Variants in DNAJC27 observed in about 807,000 individuals in gnomAD.
DNAJC27 encodes the protein DnaJ heat shock protein family (Hsp40) member C27.
In DNAJC27, 25 loss-of-function variants were observed where a neutral mutation model predicts 31.4. The observed-to-expected ratio is 0.80, with a 90% CI of 0.58 to 1.11. DNAJC27 has a LOEUF of 1.11. Ranked by LOEUF, DNAJC27 falls within the 50% of genes most tolerant of loss-of-function variation. The pLI is 0.00. For missense variants in DNAJC27, 356 were observed against 347.3 expected, an observed-to-expected ratio of 1.02 and a Z score of -0.20; for synonymous variants, 106 against 112.7, an observed-to-expected ratio of 0.94 and a Z score of 0.37.
chr2:24,962,247 T>C (rs771350217), intron 3 of DNAJC27, among the ~76,000 whole-genome samples: 3 of 152,062 alleles, frequency 2.0e-5, no homozygotes, highest in African/African-American at 7.2e-5. Flanking sequence ...TTTGTTTGTT[T>C]GTTTGTTTTT....
chr2:24,951,596 G>A, intron 5 of DNAJC27, 42 bp from the exon 6 acceptor site: 1 of 1,549,174 alleles, frequency 6.5e-7, no homozygotes, highest in Non-Finnish European at 8.8e-7. Context: ...ATGATTTTGT[G>A]AAAATAGGAA....
chr2:24,960,323 A>G (rs901519393), intron 3 of DNAJC27, among the ~76,000 whole-genome samples: 1 of 152,208 alleles, frequency 6.6e-6, no homozygotes, highest in East Asian at 1.9e-4. Flanking sequence ...TGACTGTTCC[A>G]CCAAATGGCT....
chr2:24,950,373 G>A (rs1665739119), intron 6 of DNAJC27, among the ~76,000 whole-genome samples: 1 of 152,142 alleles, frequency 6.6e-6, no homozygotes, highest in South Asian at 2.1e-4. Flanking sequence ...GGTGAAGTAT[G>A]TGGGGGGAGT....
intron 5 of DNAJC27, among the ~76,000 whole-genome samples, chr2:24,954,392 A>G (rs1006489873): frequency 3.3e-5 from 5 of 152,188 alleles, no homozygotes; most frequent in Admixed American, 2.0e-4. Flanking sequence ...CACCACAGAA[A>G]GGCTGTGCCC....
chr2:24,962,210 T>A (rs1370788367), intron 3 of DNAJC27, among the ~76,000 whole-genome samples: 1 of 64,414 alleles, frequency 1.6e-5, no homozygotes, highest in Non-Finnish European at 3.8e-5. Flanking sequence ...ACAACATACT[T>A]TTTTTCTTTT....
chr2:24,951,860 G>C (rs1009677777), intron 5 of DNAJC27, among the ~76,000 whole-genome samples: 7 of 152,188 alleles, frequency 4.6e-5, no homozygotes, highest in African/African-American at 1.7e-4. Context: ...TGTAATCCCA[G>C]CATTTTGGGA....
At chr2:24,971,179 A>T (rs1248851504) in intron 1 of DNAJC27, among the ~76,000 whole-genome samples, 1 of 152,116 alleles carries the variant, frequency 6.6e-6, no homozygotes, top group Non-Finnish European at 1.5e-5. Flanking sequence ...CCACGTACTA[A>T]AGGAGAGTTT....
intron 5 of DNAJC27, among the ~76,000 whole-genome samples, chr2:24,955,879 C>T (rs1461167613): frequency 2.0e-5 from 3 of 152,212 alleles, no homozygotes; most frequent in Non-Finnish European, 4.4e-5. Flanking sequence ...GATAACAATA[C>T]TTGCCACACA....
chr2:24,951,359 A>G, intron 6 of DNAJC27, 35 bp downstream of exon 6: 4 of 1,574,562 alleles, frequency 2.5e-6, no homozygotes, highest in Admixed American at 3.6e-5. Context: ...TTTCTTTATG[A>G]TAGCAATCAG....
At position 24,963,469 on chromosome 2, in the gene DNAJC27, T is replaced by G. The variant is rs1380328838; in HGVS notation, c.176A>C (p.His59Pro). The change falls in exon 3 of 7, where the codon CAC (histidine) becomes CCC (proline). Residue 59 changes from histidine to proline, a missense_variant. Physicochemically the swap from His to Pro is moderately conservative, Grantham distance 77. Transcript: ENST00000264711. Reference sequence around the variant, plus strand: ...AACTTTGATTTCTCTGTCTCTGACGTGTACCCTGAAATGTTCAAATGGAAA... The same window carrying G: ...AACTTTGATTTCTCTGTCTCTGACGGGTACCCTGAAATGTTCAAATGGAAA... ...IGIDYGVTKV[H>P]VRDREIKVNI... 1 of 1,613,026 alleles carries G rather than the reference T, an allele frequency of 6.2e-7. No individual in the cohort carries two copies. The highest frequency in any genetic ancestry group is 1.7e-5 in the Admixed American group (1 of 60,000).
intron 1 of DNAJC27, among the ~76,000 whole-genome samples, chr2:24,968,656 G>T (rs921976131): frequency 6.6e-6 from 1 of 151,934 alleles, no homozygotes; most frequent in Non-Finnish European, 1.5e-5. Flanking sequence ...ATTTATTTTT[G>T]AGAAAGGAAT....
In DNAJC27 at chr2:24,957,927, A is replaced by G; in HGVS notation, c.288T>C (p.Tyr96=). 1 of 1,614,192 alleles carries G rather than the reference A, an allele frequency of 6.2e-7. No homozygotes were observed. The highest frequency in any genetic ancestry group is 8.5e-7 in the Non-Finnish European group (1 of 1,180,024). The part of the protein sequence containing the change: ...YKDTQGVILV[Y]DVGQKDSFDA... ...CAAAGGAGTCTTTCTGCCCAACATC[A>G]TAGACCAGTATCACACCCTGTGTGT... The change falls in exon 4 of 7, where the codon TAT becomes TAC. Residue 96 remains tyrosine (Y), a synonymous_variant. Transcript: ENST00000264711.
chr2:24,963,690 C>T (rs1381264789), intron 2 of DNAJC27, among the ~76,000 whole-genome samples: 7 of 152,226 alleles, frequency 4.6e-5, no homozygotes, highest in Admixed American at 4.6e-4. Context: ...ATGGAGTAGG[C>T]ATTCTCAATT....
rs764320517 is a variant in DNAJC27, at chr2:24,967,291, G to A, written c.90C>T (p.Ser30=). The change falls in exon 2 of 7, where the codon AGC becomes AGT. Residue 30 remains serine (S), a splice_region_variant and synonymous_variant. Coordinates refer to ENST00000264711, the MANE Select transcript of DNAJC27 (RefSeq NM_016544.3). The stretch of plus-strand genomic sequence containing the variant: ...TCTCACAGTATCGCTTTATAATACA[G>A]CTCTAAAAAGGTAAAAAATACAGGC... ...ISMGNAEVGK[S]CIIKRYCEKR... The A allele has an allele frequency of 6.2e-7, 1 of 1,608,802 alleles. No homozygotes were observed. The highest frequency in any genetic ancestry group is 1.7e-5 in the Admixed American group (1 of 59,946).
At chr2:24,964,264 T>C (rs1666122371) in intron 2 of DNAJC27, among the ~76,000 whole-genome samples, 1 of 150,590 alleles carries the variant, frequency 6.6e-6, no homozygotes, top group South Asian at 2.1e-4. Context: ...ACTAAAAAAA[T>C]AAAAAAAATT....
intron 5 of DNAJC27, among the ~76,000 whole-genome samples, chr2:24,951,957 A>G (rs770359419): frequency 3.9e-5 from 6 of 152,088 alleles, no homozygotes; most frequent in Non-Finnish European, 7.3e-5. Context: ...CACACAAAAA[A>G]TACAAAAATT....
intron 1 of DNAJC27, 28 bp from the exon 2 acceptor site, chr2:24,967,321 A>G: frequency 7.1e-7 from 1 of 1,404,282 alleles, no homozygotes; most frequent in Non-Finnish European, 1.0e-6. Context: ...ACAGGCATTT[A>G]GTAAATACAT....
At chr2:24,965,184 T>C (rs918082846) in intron 2 of DNAJC27, among the ~76,000 whole-genome samples, 7 of 151,240 alleles carry the variant, frequency 4.6e-5, no homozygotes, top group African/African-American at 1.7e-4. Flanking sequence ...ATCGCGCCAC[T>C]GCACTCCAGC....
At position 24,957,905 on chromosome 2, in the gene DNAJC27, A is replaced by C. The variant is rs1311838071; in HGVS notation, c.310T>G (p.Phe104Val). ...LVYDVGQKDSFDALDAWLAEM... is the reference protein window; with the variant it reads ...LVYDVGQKDSVDALDAWLAEM... ...GCCAGCCACGCATCAAGGGCGTCAA[A>C]GGAGTCTTTCTGCCCAACATCATAG... Residue 104 changes from phenylalanine to valine, a missense_variant, in exon 4 of 7, where the codon TTT (phenylalanine) becomes GTT (valine). Phe to Val is a conservative substitution (Grantham distance 50). Coordinates refer to ENST00000264711, the MANE Select transcript of DNAJC27 (RefSeq NM_016544.3). 1.9e-6 allele frequency: 3 copies of C among 1,614,040 alleles called. No individual in the cohort carries two copies. The highest frequency in any genetic ancestry group is 3.3e-5 in the Admixed American group (2 of 60,000).
Sources: allele counts gnomAD v4.1 joint callset (sites outside exome capture counted in the v4.1 genomes callset), GRCh38; gene constraint gnomAD v4.1.1; transcripts MANE v1.5; gene names NCBI Gene and HGNC (gene_info 2026-07-23, HGNC 2026-07-21).